The following TENM2 variants were observed in gnomAD, a reference collection of about 807,000 sequenced individuals.
TENM2 encodes teneurin-2.
Under a neutral mutation model 245.2 loss-of-function variants are expected in TENM2, and 52 were observed. The observed-to-expected ratio is 0.21, with a 90% confidence interval of 0.17 to 0.27. The LOEUF is 0.27. TENM2 is among the 10% of genes least tolerant of loss of function. The pLI is 1.00. For missense variants in TENM2, 3,046 were observed against 3,666.8 expected, an observed-to-expected ratio of 0.83 and a Z score of 4.37; for synonymous variants, 1,363 against 1,438.9, an observed-to-expected ratio of 0.95 and a Z score of 1.19.
exon 27 of TENM2, chr5:168,248,214 C>T (rs1472676664): frequency 3.7e-6 from 6 of 1,613,940 alleles, no homozygotes; most frequent in Non-Finnish European, 5.1e-6. Flanking sequence ...TGGTCCACTT[C>T]ACTCAGCGTG....
At chr5:167,214,375 A>G in the TENM2 span, among the ~76,000 whole-genome samples, 1 of 152,204 alleles carries the variant, frequency 6.6e-6, no homozygotes, top group East Asian at 1.9e-4. Flanking sequence ...AGATCTCTAT[A>G]GAAATATGGC....
the TENM2 span, among the ~76,000 whole-genome samples, chr5:167,071,156 A>G: frequency 6.6e-6 from 1 of 152,188 alleles, no homozygotes; most frequent in Non-Finnish European, 1.5e-5. Flanking sequence ...ATTCCTAATT[A>G]TAAAGGTAAT....
chr5:168,075,695 A>G, intron 7 of TENM2, among the ~76,000 whole-genome samples: 1 of 152,220 alleles, frequency 6.6e-6, no homozygotes, highest in East Asian at 1.9e-4. Context: ...TTGTATCTGT[A>G]TTAGTCTGTT....
chr5:168,222,761 C>T (rs549405582), intron 23 of TENM2, among the ~76,000 whole-genome samples: 2 of 152,266 alleles, frequency 1.3e-5, no homozygotes, highest in East Asian at 3.9e-4. Flanking sequence ...TTATTTTAGT[C>T]CTTAGCACCT....
the TENM2 span, among the ~76,000 whole-genome samples, chr5:167,040,949 A>C: frequency 6.6e-6 from 1 of 152,176 alleles, no homozygotes; most frequent in African/African-American, 2.4e-5. Flanking sequence ...AATAGCTGTG[A>C]AGAGAATTAT....
At chr5:167,226,926 T>C in the TENM2 span, among the ~76,000 whole-genome samples, 12 of 152,116 alleles carry the variant, frequency 7.9e-5, no homozygotes, top group South Asian at 2.5e-3. Flanking sequence ...TCTATCATTA[T>C]ATAGTCACCA....
At chr5:167,212,693 T>G in the TENM2 span, among the ~76,000 whole-genome samples, 3 of 152,172 alleles carry the variant, frequency 2.0e-5, no homozygotes, top group Non-Finnish European at 4.4e-5. Flanking sequence ...GCCTGCTTCA[T>G]TTTATAGAAG....
chr5:168,143,843 CTTTTTTTTTTTTTT>C, intron 12 of TENM2, among the ~76,000 whole-genome samples: 1 of 102,718 alleles, frequency 9.7e-6, no homozygotes, highest in Non-Finnish European at 1.9e-5. Flanking sequence ...TACTACACTT[CTTTTTTTTTTTTTT>C]TTTTTTTTTG....
At chr5:167,242,458 T>A in the TENM2 span, among the ~76,000 whole-genome samples, 1 of 152,156 alleles carries the variant, frequency 6.6e-6, no homozygotes, top group Non-Finnish European at 1.5e-5. Context: ...ACAGTTGACC[T>A]TTGAAGAACA....
chr5:167,279,515 T>TTCCC, the TENM2 span, among the ~76,000 whole-genome samples: 1 of 7,458 alleles, frequency 1.3e-4, no homozygotes, highest in Admixed American at 1.5e-3. Context: ...CTTCCTTCCT[T>TTCCC]TCCTTCCTTC....
chr5:167,110,261 T>C, the TENM2 span, among the ~76,000 whole-genome samples: 57 of 152,376 alleles, frequency 3.7e-4, 1 homozygote, highest in East Asian at 6.0e-3. Context: ...AAACAGTTTT[T>C]GTTTACCTTT....
chr5:167,488,208 T>G (rs1325283611), intron 2 of TENM2, among the ~76,000 whole-genome samples: 1 of 152,192 alleles, frequency 6.6e-6, no homozygotes, highest in African/African-American at 2.4e-5. Flanking sequence ...TGCATATTAT[T>G]TTTTAAAAAA....
intron 2 of TENM2, among the ~76,000 whole-genome samples, chr5:167,688,412 G>A (rs1285699151): frequency 6.6e-6 from 1 of 152,082 alleles, no homozygotes; most frequent in African/African-American, 2.4e-5. Context: ...CTATTGTTGG[G>A]CATGTAGACT....
At chr5:167,067,985 GACAACATCC>G in the TENM2 span, among the ~76,000 whole-genome samples, 2 of 152,176 alleles carry the variant, frequency 1.3e-5, no homozygotes, top group Non-Finnish European at 1.5e-5. Context: ...GGAGCTTGAG[GACAACATCC>G]ACAGCACATG....
chr5:167,610,364 G>A (rs954184325), intron 2 of TENM2, among the ~76,000 whole-genome samples: 3 of 152,036 alleles, frequency 2.0e-5, no homozygotes, highest in South Asian at 2.1e-4. Context: ...ATTGTTGACC[G>A]ACTCAACCTT....
chr5:167,827,770 CAG>C (rs1768112494), intron 2 of TENM2, among the ~76,000 whole-genome samples: 1 of 152,012 alleles, frequency 6.6e-6, no homozygotes, highest in Non-Finnish European at 1.5e-5. Context: ...AAAAGTTAAT[CAG>C]GGATAATTTT....
intron 1 of TENM2, among the ~76,000 whole-genome samples, chr5:167,310,608 A>G (rs1375972195): frequency 6.6e-6 from 1 of 152,200 alleles, no homozygotes; most frequent in Non-Finnish European, 1.5e-5. Context: ...TGTTTCAGGA[A>G]AAAACAAAAT....
chr5:167,299,756 A>G (rs1209022618), intron 1 of TENM2, among the ~76,000 whole-genome samples: 1 of 152,018 alleles, frequency 6.6e-6, no homozygotes, highest in East Asian at 1.9e-4. Context: ...TGGATCAGAG[A>G]GATGCAGTCA....
intron 2 of TENM2, among the ~76,000 whole-genome samples, chr5:167,511,125 A>G (rs1372841206): frequency 2.6e-5 from 4 of 152,206 alleles, no homozygotes; most frequent in East Asian, 3.8e-4. Flanking sequence ...AGGAATTAGC[A>G]TAAATTCAAA....
Sources: allele counts gnomAD v4.1 joint callset (sites outside exome capture counted in the v4.1 genomes callset), GRCh38; gene constraint gnomAD v4.1.1; transcripts MANE v1.5; gene names NCBI Gene and HGNC (gene_info 2026-07-23, HGNC 2026-07-21).